Variants in SOS1 observed in about 807,000 individuals in gnomAD.
SOS1 encodes the protein son of sevenless homolog 1.
A neutral mutation model predicts 157.6 loss-of-function variants in SOS1; 25 were observed. That is an observed-to-expected ratio of 0.16 (90% confidence interval 0.12 to 0.22). The LOEUF (loss-of-function observed/expected upper bound fraction) is 0.22, where lower values mean the gene tolerates loss of function less well. Among genes scored for constraint, SOS1 ranks in the 10% least tolerant of loss-of-function variants. The pLI is 1.00. For synonymous variants in SOS1, 528 were observed against 534.0 expected, an observed-to-expected ratio of 0.99 and a Z score of 0.16; for missense variants, 1,237 against 1,599.1, an observed-to-expected ratio of 0.77 and a Z score of 3.86.
chr2:39,024,269 C>T (rs1197261001), intron 8 of SOS1, 132 bp from the exon 9 acceptor site: 2 of 773,898 alleles, frequency 2.6e-6, no homozygotes, highest in Non-Finnish European at 4.3e-6. Context: ...ATCAAATATT[C>T]TTTTTAAAAG....
chr2:39,059,577 CAT>C (rs1351852958), intron 2 of SOS1, among the ~76,000 whole-genome samples: 7 of 152,218 alleles, frequency 4.6e-5, no homozygotes, highest in African/African-American at 1.2e-4. Context: ...AACTTTTACA[CAT>C]GTGTTTTGAA....
chr2:39,078,664 G>A (rs905399273), intron 1 of SOS1, among the ~76,000 whole-genome samples: 1 of 152,130 alleles, frequency 6.6e-6, no homozygotes, highest in African/African-American at 2.4e-5. Context: ...CACACCTTAT[G>A]AGAATCTAAT....
chr2:39,110,599 C>T (rs1001775478), intron 1 of SOS1, among the ~76,000 whole-genome samples: 1 of 150,416 alleles, frequency 6.6e-6, no homozygotes, highest in African/African-American at 2.4e-5. Flanking sequence ...TCTGAAATAA[C>T]TAGATATCAG....
At chr2:39,112,593 C>T (rs1284637751) in intron 1 of SOS1, among the ~76,000 whole-genome samples, 1 of 152,190 alleles carries the variant, frequency 6.6e-6, no homozygotes, top group Non-Finnish European at 1.5e-5. Context: ...TGAGCCACCG[C>T]ACCTGGCTTG....
At chr2:39,043,568 T>A (rs1670649480) in intron 6 of SOS1, among the ~76,000 whole-genome samples, 1 of 152,212 alleles carries the variant, frequency 6.6e-6, no homozygotes, top group Non-Finnish European at 1.5e-5. Context: ...TACCTGAGAC[T>A]GGGTAATTCA....
chr2:39,102,005 A>C (rs1672984121), intron 1 of SOS1, among the ~76,000 whole-genome samples: 1 of 150,272 alleles, frequency 6.7e-6, no homozygotes, highest in Admixed American at 6.6e-5. Context: ...CAGGAGTTCG[A>C]GACCAGCCTG....
chr2:39,056,579 A>C (rs1480635882), intron 4 of SOS1, 123 bp downstream of exon 4: 1 of 707,178 alleles, frequency 1.4e-6, no homozygotes, highest in Non-Finnish European at 2.5e-6. Flanking sequence ...AATCCCTACT[A>C]TTAGGTTACT....
chr2:39,048,915 C>T (rs1670894683), intron 6 of SOS1, among the ~76,000 whole-genome samples: 1 of 152,046 alleles, frequency 6.6e-6, no homozygotes, highest in African/African-American at 2.4e-5. Flanking sequence ...TATTAAACCT[C>T]TCAGTGTATC....
intron 1 of SOS1, among the ~76,000 whole-genome samples, chr2:39,103,047 C>T (rs1673032006): frequency 2.0e-5 from 3 of 152,020 alleles, no homozygotes; most frequent in Non-Finnish European, 4.4e-5. Flanking sequence ...GAATGCAATT[C>T]CATTTAACAT....
At chr2:39,058,203 G>C (rs1367625382) in intron 3 of SOS1, among the ~76,000 whole-genome samples, 2 of 151,986 alleles carry the variant, frequency 1.3e-5, no homozygotes, top group African/African-American at 2.4e-5. Flanking sequence ...AGATTCAACT[G>C]ACTGACTGAC....
At chr2:39,123,843 TA>T (rs1269415031), upstream of SOS1, among the ~76,000 whole-genome samples, 2 of 152,090 alleles carry the variant, frequency 1.3e-5, no homozygotes, top group Admixed American at 1.3e-4. Flanking sequence ...GGTGTGCAGG[TA>T]AAAAGCGTAC....
At chr2:39,008,389 A>C (rs994497710) in intron 15 of SOS1, among the ~76,000 whole-genome samples, 1 of 152,194 alleles carries the variant, frequency 6.6e-6, no homozygotes, top group Non-Finnish European at 1.5e-5. Context: ...ATTGTTGCCC[A>C]GCCCCAGAGC....
At chr2:39,042,635 C>CTTCAAG in intron 6 of SOS1, among the ~76,000 whole-genome samples, 1 of 151,018 alleles carries the variant, frequency 6.6e-6, no homozygotes. Flanking sequence ...AAACTCCTGA[C>CTTCAAG]CTTGTGATCC....
At chr2:39,017,477 G>C (rs923306315) in intron 10 of SOS1, among the ~76,000 whole-genome samples, 4 of 151,986 alleles carry the variant, frequency 2.6e-5, no homozygotes, top group African/African-American at 9.7e-5. Context: ...GTACCTTCCT[G>C]TATGCTGTAC....
Position 38,984,365 on chromosome 2 carries a change from T to C in SOS1, c.*1459A>G, listed in dbSNP as rs563744007. ...GTACATACGCTTTATGAATAATCCA[T>C]ATTATGATAGTAATGATGCAGGTAG... On this transcript the variant is annotated 3_prime_UTR_variant, in exon 23 of 23. Coordinates refer to ENST00000402219, the MANE Select transcript of SOS1 (RefSeq NM_005633.4). 2.0e-5 allele frequency: 3 copies of C among 152,318 alleles called. No homozygotes were observed. The highest frequency in any genetic ancestry group is 7.2e-5 in the African/African-American group (3 of 41,580). The allele number at this position is 152,318 out of a possible 1,614,324, so 9.4% of individuals were successfully genotyped here.
At chr2:39,074,358 GAA>G (rs11399990) in intron 1 of SOS1, among the ~76,000 whole-genome samples, 9 of 136,026 alleles carry the variant, frequency 6.6e-5, no homozygotes, top group African/African-American at 2.5e-4. Context: ...TCAGAAAAAA[GAA>G]AAAAAAAAAA....
At chr2:39,061,692 T>C (rs1199454334) in intron 2 of SOS1, among the ~76,000 whole-genome samples, 3 of 152,174 alleles carry the variant, frequency 2.0e-5, no homozygotes, top group Non-Finnish European at 4.4e-5. Flanking sequence ...TCGGCCTTCA[T>C]GTATTTTTAA....
At chr2:39,077,080 C>T (rs780071787) in intron 1 of SOS1, among the ~76,000 whole-genome samples, 5 of 152,240 alleles carry the variant, frequency 3.3e-5, no homozygotes, top group Admixed American at 6.5e-5. Flanking sequence ...CAGTGACTCA[C>T]GCCTGTAATC....
chr2:39,006,302 A>T, intron 17 of SOS1, 110 bp downstream of exon 17: 1 of 764,770 alleles, frequency 1.3e-6, no homozygotes, highest in Non-Finnish European at 2.4e-6. Context: ...ATATTGATCA[A>T]ACAAGTATTT....
Sources: gnomAD v4.1 joint callset for allele counts (sites outside exome capture counted in the v4.1 genomes callset) on GRCh38, gnomAD v4.1.1 for gene constraint, MANE v1.5 for transcripts, NCBI Gene and HGNC (gene_info 2026-07-23, HGNC 2026-07-21) for gene names.